The following PLXNC1 variants were observed in gnomAD, a reference collection of about 807,000 sequenced individuals.
The protein encoded by PLXNC1 is plexin C1.
PLXNC1 carries 75 observed loss-of-function variants against 178.2 expected under a neutral mutation model. The ratio of observed to expected loss-of-function variants is 0.42; its 90% CI spans 0.35 to 0.51. The LOEUF is 0.51. PLXNC1 is among the 20% of genes least tolerant of loss of function. The pLI is 0.02. For synonymous variants in PLXNC1, 790 were observed against 779.9 expected (o/e 1.01, Z -0.22); for missense variants, 1,503 against 1,984.4 (o/e 0.76, Z 4.61).
At chr12:94,194,840 C>T (rs953015433) in intron 4 of PLXNC1, among the ~76,000 whole-genome samples, 2 of 152,174 alleles carry the variant, frequency 1.3e-5, no homozygotes, top group African/African-American at 4.8e-5. Flanking sequence ...CAGTGCCTGG[C>T]TCCTGGTAGG....
intron 17 of PLXNC1, among the ~76,000 whole-genome samples, chr12:94,258,491 A>T (rs904436053): frequency 6.6e-6 from 1 of 152,250 alleles, no homozygotes; most frequent in African/African-American, 2.4e-5. Flanking sequence ...TTTTGAGTTT[A>T]GAGTCTCATT....
Position 94,149,938 on chromosome 12 carries a change from C to A in PLXNC1, c.967C>A (p.Pro323Thr). The A allele has an allele frequency of 6.3e-7, 1 of 1,586,822 alleles. No individual in the cohort carries two copies. Among genetic ancestry groups the A allele is most frequent in the Admixed American group, 1.8e-5 (1 of 56,338 alleles). The change falls in exon 1 of 31, where the codon CCC (proline) becomes ACC (threonine). Residue 323 changes from proline (P) to threonine (T), a missense_variant. Physicochemically the swap from Pro to Thr is conservative, Grantham distance 38. Transcript: ENST00000258526. ...TGGAGAGGGCCAGGAGCGGCGCTCC[C>A]CCACCACCACGGCGCTCTGCCTCTT... is the stretch of plus-strand genomic sequence containing the variant. ...AAGEGQERRS[P>T]TTTALCLFRM... is the part of the protein sequence containing the mutation.
intron 9 of PLXNC1, among the ~76,000 whole-genome samples, chr12:94,233,887 C>T (rs1296322011): frequency 6.6e-6 from 1 of 152,094 alleles, no homozygotes; most frequent in Admixed American, 6.6e-5. Context: ...TCTTCTCAGT[C>T]ATTAATAAAG....
At chr12:94,225,640 A>G (rs1226862816) in intron 7 of PLXNC1, among the ~76,000 whole-genome samples, 1 of 152,238 alleles carries the variant, frequency 6.6e-6, no homozygotes, top group African/African-American at 2.4e-5. Context: ...GGAACCGACT[A>G]GCCCCAGGTC....
chr12:94,184,087 G>T (rs902771158), intron 3 of PLXNC1, among the ~76,000 whole-genome samples: 4 of 151,470 alleles, frequency 2.6e-5, no homozygotes, highest in Non-Finnish European at 4.4e-5. Context: ...TAGAGGGCAG[G>T]TCTAATGTAG....
At chr12:94,181,714 G>A in intron 3 of PLXNC1, 134 bp downstream of exon 3, 1 of 683,718 alleles carries the variant, frequency 1.5e-6, no homozygotes, top group Non-Finnish European at 2.5e-6. Context: ...GAGACCCGCA[G>A]TGGTTCACAG....
Position 94,297,237 on chromosome 12 carries a change from T to C in PLXNC1, c.3966+17T>C. The C allele has an allele frequency of 6.2e-7, 1 of 1,613,950 alleles. No homozygotes were observed. Among genetic ancestry groups the C allele is most frequent in the Non-Finnish European group, 8.5e-7 (1 of 1,179,778 alleles). ...TGCCATTTGGTGAGTTCAGGCTTTC[T>C]TGTGCTCACCACTGAACTGCATGCC... On this transcript the variant is annotated intron_variant, in intron 25 of 30. Transcript: ENST00000258526.
At chr12:94,200,867 T>C (rs1963094620) in intron 4 of PLXNC1, among the ~76,000 whole-genome samples, 1 of 152,220 alleles carries the variant, frequency 6.6e-6, no homozygotes, top group Non-Finnish European at 1.5e-5. Context: ...TTTTATGTGC[T>C]AAATAGCTCA....
intron 1 of PLXNC1, among the ~76,000 whole-genome samples, chr12:94,158,497 T>G (rs1961260033): frequency 6.6e-6 from 1 of 152,178 alleles, no homozygotes; most frequent in Non-Finnish European, 1.5e-5. Context: ...AGAAAAAGGT[T>G]AGAAAATTAT....
chr12:94,229,758 C>T (rs10859689), intron 9 of PLXNC1, among the ~76,000 whole-genome samples: 50,090 of 152,004 alleles, frequency 0.33, 8,431 homozygotes, highest in East Asian at 0.43. Context: ...TTGGTCTATG[C>T]CTGTCTTTAT....
At chr12:94,161,160 C>G (rs903657849) in intron 1 of PLXNC1, among the ~76,000 whole-genome samples, 4 of 152,182 alleles carry the variant, frequency 2.6e-5, no homozygotes, top group South Asian at 2.1e-4. Context: ...GAGCCCCACT[C>G]TAACCATTCA....
At chr12:94,269,723 A>T (rs963659542) in intron 21 of PLXNC1, among the ~76,000 whole-genome samples, 13 of 152,242 alleles carry the variant, frequency 8.5e-5, no homozygotes, top group Admixed American at 6.5e-5. Flanking sequence ...CAGTGAAGTT[A>T]ATTAACAATT....
At chr12:94,300,245 G>T (rs1307405639) in intron 27 of PLXNC1, among the ~76,000 whole-genome samples, 2 of 152,184 alleles carry the variant, frequency 1.3e-5, no homozygotes, top group African/African-American at 2.4e-5. Context: ...AAGTAGGAAA[G>T]GAGGCTAGTA....
At chr12:94,235,035 T>C (rs1964204091) in intron 9 of PLXNC1, among the ~76,000 whole-genome samples, 1 of 152,220 alleles carries the variant, frequency 6.6e-6, no homozygotes, top group Admixed American at 6.5e-5. Context: ...AGGAGGGTCC[T>C]CTTGGTAGCT....
intron 23 of PLXNC1, among the ~76,000 whole-genome samples, chr12:94,287,202 G>C (rs1043457433): frequency 3.7e-4 from 56 of 152,196 alleles, no homozygotes; most frequent in African/African-American, 9.7e-4. Context: ...GCAGACAAAG[G>C]GTTAAGCGTG....
intron 1 of PLXNC1, among the ~76,000 whole-genome samples, chr12:94,163,641 C>T (rs1961477892): frequency 6.6e-6 from 1 of 152,036 alleles, no homozygotes; most frequent in African/African-American, 2.4e-5. Context: ...AGGTGAAATA[C>T]AAGCTTCACC....
At chr12:94,281,610 CA>C (rs11326572) in intron 22 of PLXNC1, among the ~76,000 whole-genome samples, 99,856 of 151,910 alleles carry the variant, frequency 0.66, 32,953 homozygotes, top group African/African-American at 0.73. Flanking sequence ...TTTATAGAGA[CA>C]AGTCTCACTA....
At chr12:94,229,994 A>G (rs1964050791) in intron 9 of PLXNC1, among the ~76,000 whole-genome samples, 1 of 152,222 alleles carries the variant, frequency 6.6e-6, no homozygotes, top group Non-Finnish European at 1.5e-5. Context: ...ATAGCAAAAC[A>G]TCACAGTCAG....
chr12:94,201,746 T>C (rs1963124550), intron 4 of PLXNC1, among the ~76,000 whole-genome samples: 2 of 106,292 alleles, frequency 1.9e-5, no homozygotes, highest in African/African-American at 7.0e-5. Flanking sequence ...CTCTTCCCAC[T>C]ACTTTTTTTT....
Sources: gnomAD v4.1 joint callset for allele counts (sites outside exome capture counted in the v4.1 genomes callset) on GRCh38, gnomAD v4.1.1 for gene constraint, MANE v1.5 for transcripts, NCBI Gene and HGNC (gene_info 2026-07-23, HGNC 2026-07-21) for gene names.